Variants in ADAR observed in about 807,000 individuals in gnomAD.
ADAR encodes double-stranded RNA-specific adenosine deaminase.
In ADAR, 41 loss-of-function variants were observed where a neutral mutation model predicts 113.2. The ratio of observed to expected loss-of-function variants is 0.36; its 90% confidence interval spans 0.28 to 0.47. The LOEUF (loss-of-function observed/expected upper bound fraction) is 0.47. ADAR is among the 20% of genes least tolerant of loss of function. The pLI is 1.00. For synonymous variants in ADAR, 605 were observed against 572.6 expected, an observed-to-expected ratio of 1.06 and a Z score of -0.81; for missense variants, 1,242 against 1,540.9, an observed-to-expected ratio of 0.81 and a Z score of 3.25.
intron 10 of ADAR, 140 bp from the exon 11 acceptor site, chr1:154,588,398 T>C: frequency 1.3e-6 from 2 of 1,488,078 alleles, no homozygotes; most frequent in Non-Finnish European, 1.9e-6. Flanking sequence ...CAGCAGTACA[T>C]GTGAGTCATC....
In ADAR at chr1:154,601,126, T is replaced by C. The variant is rs1697845249; in HGVS notation, c.1516A>G (p.Ser506Gly). Residue 506 changes from serine (S) to glycine (G), a missense_variant, in exon 2 of 15, where the codon AGC becomes GGC. Coordinates refer to ENST00000368474, the MANE Select transcript of ADAR (RefSeq NM_001111.5). The surrounding 1 kb of genome is among the most constrained non-coding windows in gnomAD (Gnocchi z 4.7). The part of the protein sequence containing the change: ...LTECQLKNPI[S>G]GLLEYAQFAS... ...AACTGGGCATATTCTAACAGCCCGC[T>C]GATGGGGTTCTTCAGCTGGCACTCT... 1 of 1,614,214 alleles carries C rather than the reference T, an allele frequency of 6.2e-7. No individual in the cohort carries two copies. The highest frequency in any genetic ancestry group is 8.5e-7 in the Non-Finnish European group (1 of 1,180,042).
rs1696646771 is a variant in ADAR at position 154,584,949 on chromosome 1, G to A, written c.3538C>T (p.Leu1180Phe). 1.2e-6 allele frequency: 2 copies of A among 1,614,166 alleles called. No homozygotes were observed. The highest frequency in any genetic ancestry group is 1.1e-5 in the South Asian group (1 of 91,086). Residue 1180 changes from leucine (L) to phenylalanine (F), a missense_variant, in exon 15 of 15, where the codon CTC becomes TTC. By Grantham distance (22) the Leu-to-Phe change is conservative. This residue lies in a region of ADAR where 780 missense variants were observed against 1,057.9 expected (regional missense o/e 0.74). Transcript: ENST00000368474. ...SFRYRRDLLR[L>F]SYGEAKKAAR... Reference sequence around the variant, plus strand: ...GCTTTCTTGGCCTCACCATAGGAGAGTCTCAGTAGATCCCTGCGGTAACGG... The same window carrying A: ...GCTTTCTTGGCCTCACCATAGGAGAATCTCAGTAGATCCCTGCGGTAACGG...
rs2101585294 is a variant in ADAR at position 154,589,800 on chromosome 1, T to C, written c.2625A>G (p.Lys875=). 6.2e-7 allele frequency: 1 copy of C among 1,614,100 alleles called. No individual in the cohort carries two copies. Among genetic ancestry groups the C allele is most frequent in the Non-Finnish European group, 8.5e-7 (1 of 1,180,032 alleles). Residue 875 remains lysine, a synonymous_variant, in exon 8 of 15, where the codon AAA becomes AAG. Transcript: ENST00000368474. The part of the protein sequence containing the change: ...GRKILAAIIM[K]KDSEDMGVVV... The stretch of plus-strand genomic sequence containing the variant: ...CGACACCCATGTCCTCAGAGTCTTT[T>C]TTCATAATGATGGCGGCCAGAATCT...
chr1:154,591,081 A>T (rs1697116952), intron 6 of ADAR, among the ~76,000 whole-genome samples: 1 of 152,254 alleles, frequency 6.6e-6, no homozygotes, highest in Non-Finnish European at 1.5e-5. Flanking sequence ...AACCAGTATC[A>T]CTTGCCACAT....
upstream of ADAR, among the ~76,000 whole-genome samples, chr1:154,612,318 G>GTTTTTTTTTTTTTTTTTTTTT (rs55714254): frequency 1.4e-5 from 1 of 69,178 alleles, no homozygotes; most frequent in African/African-American, 6.1e-5. Flanking sequence ...AAATTACTCA[G>GTTTTTTTTTTTTTTTTTTTTT]TTTTTTTTTT....
At chr1:154,596,768 T>C (rs1315678222) in intron 6 of ADAR, 37 bp downstream of exon 6, 12 of 1,610,324 alleles carry the variant, frequency 7.5e-6, no homozygotes, top group East Asian at 4.5e-5. Flanking sequence ...CATCCCCAAC[T>C]GGTGACACAT....
chr1:154,612,687 T>G (rs1030091095), upstream of ADAR, among the ~76,000 whole-genome samples: 1 of 152,184 alleles, frequency 6.6e-6, no homozygotes, highest in African/African-American at 2.4e-5. Context: ...AAATGTATAG[T>G]AAGCAATTCA....
In ADAR at chr1:154,601,034, C is replaced by T; in HGVS notation, c.1601+7G>A. The T allele has an allele frequency of 6.2e-7, 1 of 1,614,086 alleles. No homozygotes were observed. Among genetic ancestry groups the T allele is most frequent in the Non-Finnish European group, 8.5e-7 (1 of 1,180,034 alleles). On this transcript the variant is annotated splice_region_variant and intron_variant, in intron 2 of 14. Coordinates refer to ENST00000368474, the MANE Select transcript of ADAR (RefSeq NM_001111.5). The surrounding 1 kb of genome is among the most constrained non-coding windows in gnomAD (Gnocchi z 4.7). ...ACCCTAGGTACAGTTCCTGGGTGGT[C>T]TCTTACCGAGGTTCATGGGGTGGTC...
At chr1:154,627,151 A>G (rs970857148) in intron 1 of ADAR, among the ~76,000 whole-genome samples, 2 of 152,210 alleles carry the variant, frequency 1.3e-5, no homozygotes, top group Admixed American at 6.5e-5. Context: ...TTGGAAGGCA[A>G]GTTTCCCAAA....
rs1696556603 is a variant in ADAR at position 154,583,760 on chromosome 1, T to C, written c.*1046A>G. The C allele has an allele frequency of 1.3e-5, 2 of 152,210 alleles. No individual in the cohort carries two copies. The highest frequency in any genetic ancestry group is 4.8e-5 in the African/African-American group (2 of 41,454). 9.4% of individuals were successfully genotyped at this position (152,210 alleles called of 1,614,324 possible). ...TACATGTGACTTAGTCAACTTCCCTTGGTGTCACTGTCATGAGAGATATTA... is the reference window on the plus strand; with the variant it reads ...TACATGTGACTTAGTCAACTTCCCTCGGTGTCACTGTCATGAGAGATATTA... On this transcript the variant is annotated 3_prime_UTR_variant, in exon 15 of 15. Coordinates refer to ENST00000368474, the MANE Select transcript of ADAR (RefSeq NM_001111.5).
At chr1:154,590,490 G>T in intron 6 of ADAR, 81 bp from the exon 7 acceptor site, 2 of 1,384,010 alleles carry the variant, frequency 1.4e-6, no homozygotes, top group Non-Finnish European at 2.1e-6. Flanking sequence ...TGCTGAAGAT[G>T]TGGCCAGTCT....
At chr1:154,609,939 T>G (rs1698428575), upstream of ADAR, among the ~76,000 whole-genome samples, 1 of 152,222 alleles carries the variant, frequency 6.6e-6, no homozygotes, top group Non-Finnish European at 1.5e-5. Context: ...AAGCATGTTT[T>G]GTATCCTTAT....
rs1365592037 is a variant in ADAR, at chr1:154,588,216, G to A, written c.2928C>T (p.Cys976=). ...CTGTGCTTTCCATAGCACGGTCGCT[G>A]CAGGACTTGTCAAAGAGGGCGCCAT... ...CGDGALFDKS[C]SDRAMESTES... The change falls in exon 11 of 15, where the codon TGC becomes TGT. Residue 976 remains cysteine (C), a synonymous_variant. Transcript: ENST00000368474. 1 of 1,613,940 alleles carries A rather than the reference G, an allele frequency of 6.2e-7. No homozygotes were observed. The highest frequency in any genetic ancestry group is 1.3e-5 in the African/African-American group (1 of 74,906).
At chr1:154,585,985 C>G in intron 12 of ADAR, 120 bp from the exon 13 acceptor site, 1 of 1,202,898 alleles carries the variant, frequency 8.3e-7, no homozygotes, top group Non-Finnish European at 1.2e-6. Context: ...AAACAGCTGC[C>G]TTGTTAGGAA....
intron 1 of ADAR, among the ~76,000 whole-genome samples, chr1:154,606,536 A>G (rs1698200489): frequency 6.6e-6 from 1 of 152,190 alleles, no homozygotes; most frequent in Non-Finnish European, 1.5e-5. Context: ...AAGGAGATGT[A>G]AGTTTGCTAA....
rs1445631564 is a variant in ADAR at position 154,585,015 on chromosome 1, T to A, written c.3472A>T (p.Lys1158Ter). Residue 1158 changes from lysine (K) to a stop codon, truncating the protein, a stop_gained, in exon 15 of 15, where the codon AAA becomes TAA. Coordinates refer to ENST00000368474, the MANE Select transcript of ADAR (RefSeq NM_001111.5). LOFTEE classifies it high-confidence loss of function. ...GPRNELSRVS[K>*]KNIFLLFKKL... ...TTAAATAGAAGAAAAATGTTCTTTT[T>A]GGAGACCCGGGACAATTCATTCCGT... 1 of 1,613,956 alleles carries A rather than the reference T, an allele frequency of 6.2e-7. No individual in the cohort carries two copies. Among genetic ancestry groups the A allele is most frequent in the African/African-American group, 1.3e-5 (1 of 74,904 alleles).
At position 154,624,632 on chromosome 1, in the gene ADAR, TC is replaced by T. The variant is rs149221151; in HGVS notation, c.-871+3222del. Among the ~76,000 whole-genome samples the T allele has an allele frequency of 5.4e-3, 827 of 152,354 alleles. 5 individuals are homozygous for T. The highest frequency in any genetic ancestry group is 0.019 in the African/African-American group (793 of 41,576). ...TGAATGCACATCAATCACAGGTCTT[TC>T]CCAAATATTTAATTTTGAGACAAAC... On this transcript the variant is annotated intron_variant, in intron 1 of 14. Coordinates refer to the ADAR transcript ENST00000368471.
chr1:154,592,525 C>A (rs565882960), intron 6 of ADAR, among the ~76,000 whole-genome samples: 2 of 152,120 alleles, frequency 1.3e-5, no homozygotes, highest in East Asian at 3.9e-4. Context: ...AGAGTGCTGA[C>A]GCTGGAGGTG....
At chr1:154,592,504 T>C (rs1384259106) in intron 6 of ADAR, among the ~76,000 whole-genome samples, 2 of 152,150 alleles carry the variant, frequency 1.3e-5, no homozygotes, top group Non-Finnish European at 2.9e-5. Flanking sequence ...GATGAGACAG[T>C]GGCTTGGATT....
Sources: allele counts gnomAD v4.1 joint callset (sites outside exome capture counted in the v4.1 genomes callset), GRCh38; gene constraint gnomAD v4.1.1; regional missense constraint gnomAD v4.1.1; non-coding constraint Gnocchi (gnomAD v3.1); transcripts MANE v1.5; gene names NCBI Gene and HGNC (gene_info 2026-07-23, HGNC 2026-07-21).